Variants in RPA1 observed in about 807,000 individuals in gnomAD.
RPA1 encodes replication protein A1, also known as replication protein A 70 kDa DNA-binding subunit.
RPA1 carries 49 observed loss-of-function variants against 83.0 expected under a neutral mutation model. The observed-to-expected ratio is 0.59, with a 90% CI of 0.47 to 0.75. The LOEUF (loss-of-function observed/expected upper bound fraction) is 0.75, where lower values mean the gene tolerates loss of function less well. Ranked by LOEUF, RPA1 falls within the 30% of genes least tolerant of loss-of-function variation. The pLI, the probability that RPA1 is intolerant of heterozygous loss-of-function variation, is 0.00. For synonymous variants in RPA1, 279 were observed against 281.8 expected, an observed-to-expected ratio of 0.99 and a Z score of 0.10; for missense variants, 693 against 776.1, an observed-to-expected ratio of 0.89 and a Z score of 1.27.
chr17:1,860,137 T>C (rs1033785579), intron 5 of RPA1, among the ~76,000 whole-genome samples: 2 of 151,852 alleles, frequency 1.3e-5, no homozygotes, highest in Non-Finnish European at 2.9e-5. Context: ...GGACATGGAG[T>C]CCTGCCATGT....
At chr17:1,845,118 C>G (rs1343707874) in intron 4 of RPA1, among the ~76,000 whole-genome samples, 3 of 150,934 alleles carry the variant, frequency 2.0e-5, no homozygotes, top group Non-Finnish European at 2.9e-5. Context: ...AAAAGAGGTA[C>G]TTTATTTTAC....
intron 1 of RPA1, among the ~76,000 whole-genome samples, chr17:1,836,110 T>TTTA (rs367966063): frequency 0.33 from 49,396 of 151,764 alleles, 10,295 homozygotes; most frequent in Non-Finnish European, 0.48. Flanking sequence ...ATTGCACCTT[T>TTTA]TTTATTTATT....
At chr17:1,830,337 A>AT (rs1466734267) in intron 1 of RPA1, among the ~76,000 whole-genome samples, 3 of 151,984 alleles carry the variant, frequency 2.0e-5, no homozygotes, top group African/African-American at 7.3e-5. Flanking sequence ...ACATGCTCAC[A>AT]TTTTTCCTAC....
Position 1,897,203 on chromosome 17 carries a change from T to C in RPA1, c.*28T>C. The C allele has an allele frequency of 6.7e-7, 1 of 1,501,362 alleles. No homozygotes were observed. The highest frequency in any genetic ancestry group is 9.0e-7 in the Non-Finnish European group (1 of 1,105,870). 93.0% of individuals were successfully genotyped at this position (1,501,362 alleles called of 1,614,324 possible). ...GGAGCAGTGCCAATCGGGCAGAAGT[T>C]TGCAAATAGGCAGAATGGAATCGAT... On this transcript the variant is annotated 3_prime_UTR_variant, in exon 17 of 17. Coordinates refer to ENST00000254719, the MANE Select transcript of RPA1 (RefSeq NM_002945.5).
intron 5 of RPA1, among the ~76,000 whole-genome samples, chr17:1,864,866 C>A (rs756833311): frequency 2.0e-5 from 3 of 152,194 alleles, no homozygotes; most frequent in Non-Finnish European, 2.9e-5. Flanking sequence ...TGCCATTGCA[C>A]TCCAGCCTGG....
At chr17:1,839,107 C>T (rs571825444) in intron 1 of RPA1, among the ~76,000 whole-genome samples, 12 of 152,144 alleles carry the variant, frequency 7.9e-5, no homozygotes, top group South Asian at 2.1e-4. Flanking sequence ...CCACCTGCCT[C>T]GGCCTCCCAA....
Position 1,888,812 on chromosome 17 carries a change from C to T in RPA1, c.1512C>T (p.Asp504=), listed in dbSNP as rs912775179. The T allele has an allele frequency of 7.4e-6, 12 of 1,614,078 alleles. No homozygotes were observed. In the African/African-American group the frequency reaches 1.3e-4, roughly 18 times the overall value. The part of the protein sequence containing the change: ...QNGLYRCEKC[D]TEFPNFKYRM... ...GATTGTACCGCTGTGAGAAGTGCGA[C>T]ACCGAATTTCCCAATTTCAAGTACC... Residue 504 remains aspartate (D), a synonymous_variant, in exon 14 of 17, where the codon GAC becomes GAT. Coordinates refer to ENST00000254719, the MANE Select transcript of RPA1 (RefSeq NM_002945.5).
At chr17:1,885,717 GGT>G (rs1268455160) in intron 13 of RPA1, among the ~76,000 whole-genome samples, 1 of 152,150 alleles carries the variant, frequency 6.6e-6, no homozygotes, top group Non-Finnish European at 1.5e-5. Flanking sequence ...AGGAGTTACA[GGT>G]GTGAGCGACT....
chr17:1,831,811 G>C (rs1421529064), intron 1 of RPA1, among the ~76,000 whole-genome samples: 1 of 151,408 alleles, frequency 6.6e-6, no homozygotes, highest in Non-Finnish European at 1.5e-5. Context: ...GTGTTAGCCA[G>C]GATGGTCTCG....
At chr17:1,833,051 C>T (rs1456013365) in intron 1 of RPA1, among the ~76,000 whole-genome samples, 1 of 152,070 alleles carries the variant, frequency 6.6e-6, no homozygotes. Context: ...CTTAGCCTCC[C>T]TAGAAGCTGG....
At chr17:1,854,360 A>C (rs1912610352) in intron 5 of RPA1, 1 of 152,204 alleles carries the variant, frequency 6.6e-6, no homozygotes, top group Non-Finnish European at 1.5e-5. Flanking sequence ...AGATTGGAAT[A>C]ATTCACAATG....
chr17:1,849,296 T>TTC (rs989030995), intron 4 of RPA1, among the ~76,000 whole-genome samples: 1 of 92,980 alleles, frequency 1.1e-5, no homozygotes, highest in African/African-American at 4.0e-5. Context: ...GTTCTTTTTT[T>TTC]TTTTTTTTTT....
chr17:1,882,753 G>A (rs1009886755), intron 12 of RPA1, among the ~76,000 whole-genome samples: 1 of 152,160 alleles, frequency 6.6e-6, no homozygotes, highest in Non-Finnish European at 1.5e-5. Flanking sequence ...TTGGCTGTCC[G>A]TTTCCACACT....
chr17:1,879,083 A>C, intron 9 of RPA1, 22 bp downstream of exon 9: 1 of 1,614,072 alleles, frequency 6.2e-7, no homozygotes, highest in Non-Finnish European at 8.5e-7. Context: ...CTGACTTTAG[A>C]ACTGACACCG....
At chr17:1,874,032 T>TATATATACAC (rs1171343408) in intron 6 of RPA1, among the ~76,000 whole-genome samples, 11 of 79,256 alleles carry the variant, frequency 1.4e-4, no homozygotes, top group African/African-American at 6.3e-4. Flanking sequence ...TATATATATA[T>TATATATACAC]ACACACACAC....
intron 5 of RPA1, among the ~76,000 whole-genome samples, chr17:1,868,890 G>T (rs1567816388): frequency 6.6e-6 from 1 of 152,168 alleles, no homozygotes; most frequent in Non-Finnish European, 1.5e-5. Context: ...GCGTATATAA[G>T]TTCCATGCAC....
chr17:1,841,434 G>T (rs1286654791), intron 1 of RPA1, among the ~76,000 whole-genome samples: 1 of 152,146 alleles, frequency 6.6e-6, no homozygotes, highest in African/African-American at 2.4e-5. Context: ...CTCCCCAGCA[G>T]CTGGGATTAC....
intron 12 of RPA1, among the ~76,000 whole-genome samples, chr17:1,882,728 T>C (rs1039846910): frequency 9.2e-5 from 14 of 152,210 alleles, no homozygotes; most frequent in African/African-American, 3.4e-4. Context: ...GAAACACTTT[T>C]GCTACCACGG....
Position 1,883,962 on chromosome 17 carries a change from C to T in RPA1, c.1374+18C>T. On this transcript the variant is annotated intron_variant, in intron 13 of 16. Transcript: ENST00000254719. The stretch of plus-strand genomic sequence containing the variant: ...GCGACAAGGTACCCAGCATTCCTAA[C>T]CACCTTCACAAAGGGCTGTAAAGTG... 1 of 1,613,230 alleles carries T rather than the reference C, an allele frequency of 6.2e-7. No individual in the cohort carries two copies. Among genetic ancestry groups the T allele is most frequent in the Non-Finnish European group, 8.5e-7 (1 of 1,179,896 alleles).
Sources: gnomAD v4.1 joint callset for allele counts (sites outside exome capture counted in the v4.1 genomes callset) on GRCh38, gnomAD v4.1.1 for gene constraint, MANE v1.5 for transcripts, NCBI Gene and HGNC (gene_info 2026-07-23, HGNC 2026-07-21) for gene names.